Variants in INTS10 observed in about 807,000 individuals in gnomAD.
INTS10 encodes the protein chromosome 8 open reading frame 35.
A neutral mutation model predicts 94.4 loss-of-function variants in INTS10; 44 were observed. The observed-to-expected ratio is 0.47, with a 90% CI of 0.37 to 0.60. The LOEUF (loss-of-function observed/expected upper bound fraction) is 0.60, where lower values mean the gene tolerates loss of function less well. Ranked by LOEUF, INTS10 falls within the 20% of genes least tolerant of loss-of-function variation. INTS10 has a pLI of 0.00. For synonymous variants in INTS10, 341 were observed against 320.7 expected (o/e 1.06, Z -0.68); for missense variants, 797 against 868.7 (o/e 0.92, Z 1.04).
At chr8:19,821,817 C>T (rs1341554321) in intron 4 of INTS10, 1 of 152,260 alleles carries the variant, frequency 6.6e-6, no homozygotes, top group Non-Finnish European at 1.5e-5. Flanking sequence ...CTTTCACCTT[C>T]TGTGTGATGT....
At chr8:19,823,698 G>A (rs1412640419) in intron 6 of INTS10, among the ~76,000 whole-genome samples, 175 bp from the exon 7 acceptor site, 1 of 152,104 alleles carries the variant, frequency 6.6e-6, no homozygotes, top group African/African-American at 2.4e-5. Context: ...ATGAAGTAGT[G>A]GAAATTACTT....
intron 13 of INTS10, chr8:19,837,377 A>G (rs1011854311): frequency 2.0e-6 from 1 of 512,712 alleles, no homozygotes; most frequent in African/African-American, 1.9e-5. Flanking sequence ...AGGCTGAACA[A>G]TGTTTTACAG....
intron 9 of INTS10, among the ~76,000 whole-genome samples, chr8:19,827,634 A>T (rs997681367): frequency 6.6e-6 from 1 of 152,064 alleles, no homozygotes; most frequent in East Asian, 1.9e-4. Flanking sequence ...AGGCTATGGG[A>T]TGGCTGTTTA....
rs71205949 is a variant in INTS10 at position 19,846,433 on chromosome 8, CAAAA to C, written c.1976+644_1976+647del. 6.8e-6 allele frequency among the ~76,000 whole-genome samples: 1 copy of C among 147,682 alleles called. No homozygotes were observed. Among genetic ancestry groups the C allele is most frequent in the East Asian group, 2.0e-4 (1 of 5,082 alleles). On this transcript the variant is annotated intron_variant, in intron 16 of 16. Transcript: ENST00000397977. The surrounding 1 kb of genome is among the most constrained non-coding windows in gnomAD (Gnocchi z 4.2). ...GGGCAACAAGAGTGAAACTCCATCTCAAAAAAAAAAACAAACAAACAAAACAGCT... is the reference window on the plus strand; with the variant it reads ...GGGCAACAAGAGTGAAACTCCATCTCAAAAAAACAAACAAACAAAACAGCT...
Position 19,844,153 on chromosome 8 carries a change from G to A in INTS10, c.1797G>A (p.Arg599=), listed in dbSNP as rs978626794. The change falls in exon 15 of 17, where the codon CGG becomes CGA. Residue 599 remains arginine (R), a synonymous_variant. Coordinates refer to ENST00000397977, the MANE Select transcript of INTS10 (RefSeq NM_018142.4). The stretch of plus-strand genomic sequence containing the variant: ...TGTTGCTTCAGCAAGAGTGGCCACG[G>A]GGCGAGAATCTTTTCCTGAAAGCTG... ...VIVLLQQEWP[R]GENLFLKAVN... 4 of 1,613,780 alleles carry A rather than the reference G, an allele frequency of 2.5e-6. No homozygotes were observed. The highest frequency in any genetic ancestry group is 1.3e-5 in the African/African-American group (1 of 74,920).
In INTS10 at chr8:19,851,593, C is replaced by A. The variant is rs758830939; in HGVS notation, c.1977-56C>A. On this transcript the variant is annotated intron_variant, in intron 16 of 16. Transcript: ENST00000397977. This position sits in a 1 kb window ranked among gnomAD's most constrained non-coding sequence, Gnocchi z 5.0. ...TTATTCCTACCCAAGTAGCAGCGATCAGCGATGCTGGTGCTAACCCCTGGT... is the reference window on the plus strand; with the variant it reads ...TTATTCCTACCCAAGTAGCAGCGATAAGCGATGCTGGTGCTAACCCCTGGT... 2.6e-6 allele frequency: 4 copies of A among 1,536,308 alleles called. No homozygotes were observed. Among genetic ancestry groups the A allele is most frequent in the Non-Finnish European group, 3.6e-6 (4 of 1,111,812 alleles).
At chr8:19,822,084 C>T (rs2066423820) in intron 4 of INTS10, 1 of 171,882 alleles carries the variant, frequency 5.8e-6, no homozygotes, top group Non-Finnish European at 1.2e-5. Flanking sequence ...ACCTTAGTTT[C>T]TTTATTTCTT....
chr8:19,832,225 C>G, intron 11 of INTS10, 115 bp downstream of exon 11: 1 of 675,056 alleles, frequency 1.5e-6, no homozygotes, highest in South Asian at 1.6e-5. Context: ...CCACTGCCTC[C>G]TGACACCTGT....
At position 19,837,075 on chromosome 8, in the gene INTS10, T is replaced by C. The variant is rs745661308; in HGVS notation, c.1554T>C (p.Asp518=). 4.3e-6 allele frequency: 7 copies of C among 1,613,394 alleles called. No homozygotes were observed. The highest frequency in any genetic ancestry group is 5.1e-6 in the Non-Finnish European group (6 of 1,179,280). The part of the protein sequence containing the change: ...EYRMTCEKVL[D]LMCYMVLPIQ... ...AGATGACATGTGAAAAAGTCCTTGATTTGATGTGCTACATGGTACTCCCCA... is the reference window on the plus strand; with the variant it reads ...AGATGACATGTGAAAAAGTCCTTGACTTGATGTGCTACATGGTACTCCCCA... The change falls in exon 13 of 17, where the codon GAT becomes GAC. Residue 518 remains aspartate, a synonymous_variant. Transcript: ENST00000397977.
Position 19,837,055 on chromosome 8 carries a change from A to G in INTS10, c.1534A>G (p.Thr512Ala), listed in dbSNP as rs2067719471. The change falls in exon 13 of 17, where the codon ACA becomes GCA. Residue 512 changes from threonine (T) to alanine (A), a missense_variant. Coordinates refer to ENST00000397977, the MANE Select transcript of INTS10 (RefSeq NM_018142.4). Reference sequence around the variant, plus strand: ...TTTTTGGTCTTTTCTGCTTTAGATGACATGTGAAAAAGTCCTTGATTTGAT... The same window carrying G: ...TTTTTGGTCTTTTCTGCTTTAGATGGCATGTGAAAAAGTCCTTGATTTGAT... ...CHFALGEYRM[T>A]CEKVLDLMCY... is the part of the protein sequence containing the mutation. 6.2e-7 allele frequency: 1 copy of G among 1,604,414 alleles called. No homozygotes were observed. The highest frequency in any genetic ancestry group is 1.3e-5 in the African/African-American group (1 of 74,826).
In INTS10 at chr8:19,849,144, G is replaced by A; in HGVS notation, c.1977-2505G>A. The A allele has an allele frequency of 1.6e-6, 2 of 1,268,788 alleles. No homozygotes were observed. Among genetic ancestry groups the A allele is most frequent in the Non-Finnish European group, 2.1e-6 (2 of 969,814 alleles). 78.6% of individuals were successfully genotyped at this position (1,268,788 alleles called of 1,614,324 possible). ...TCGGTGTGGGTGTTTGAATGCTGCTGTTTGCTGTTTTTTAAAGGCCTTCTA... is the reference window on the plus strand; with the variant it reads ...TCGGTGTGGGTGTTTGAATGCTGCTATTTGCTGTTTTTTAAAGGCCTTCTA... On this transcript the variant is annotated intron_variant, in intron 16 of 16. Coordinates refer to ENST00000397977, the MANE Select transcript of INTS10 (RefSeq NM_018142.4). The surrounding 1 kb of genome is among the most constrained non-coding windows in gnomAD (Gnocchi z 4.6).
Position 19,823,341 on chromosome 8 carries a change from T to C in INTS10, c.564T>C (p.Val188=), listed in dbSNP as rs1225398981. 2 of 1,606,902 alleles carry C rather than the reference T, an allele frequency of 1.2e-6. No individual in the cohort carries two copies. Among genetic ancestry groups the C allele is most frequent in the Non-Finnish European group, 1.7e-6 (2 of 1,173,606 alleles). The change falls in exon 6 of 17, where the codon GTT becomes GTC. Residue 188 remains valine (V), a synonymous_variant. Transcript: ENST00000397977. ...VLPLIINNHD[V]RLPANLLYKY... Reference sequence around the variant, plus strand: ...CTCTAATAATTAACAACCATGATGTTCGATTACCTGCCAATTTATTGTATA... The same window carrying C: ...CTCTAATAATTAACAACCATGATGTCCGATTACCTGCCAATTTATTGTATA...
At chr8:19,836,651 G>A (rs983842915) in intron 12 of INTS10, among the ~76,000 whole-genome samples, 1 of 152,096 alleles carries the variant, frequency 6.6e-6, no homozygotes, top group African/African-American at 2.4e-5. Flanking sequence ...TTTAAGTTAT[G>A]CTCTATATCA....
Position 19,832,067 on chromosome 8 carries a change from G to T in INTS10, c.1334G>T (p.Trp445Leu). Residue 445 changes from tryptophan to leucine, a missense_variant, in exon 11 of 17, where the codon TGG becomes TTG. By Grantham distance (61) the Trp-to-Leu change is moderately conservative. Around this residue, in one of 3 missense-constraint regions of INTS10, gnomAD observed 734 missense variants for 787.8 expected, o/e 0.93. Coordinates refer to ENST00000397977, the MANE Select transcript of INTS10 (RefSeq NM_018142.4). Reference protein sequence around the residue: ...RICLAWKTDTWLWLRIFLTDM... With the variant: ...RICLAWKTDTLLWLRIFLTDM... ...TGCTTGGCCTGGAAGACGGATACTT[G>T]GCTTTGGTTAAGAATCTTCCTCACT... 4 of 1,607,870 alleles carry T rather than the reference G, an allele frequency of 2.5e-6. No homozygotes were observed. In the South Asian group the frequency reaches 4.4e-5, roughly 18 times the overall value.
At chr8:19,837,239 A>C in intron 13 of INTS10, 79 bp downstream of exon 13, 106 of 897,418 alleles carry the variant, frequency 1.2e-4, no homozygotes, top group Non-Finnish European at 1.7e-4. Flanking sequence ...TTGTAATCTC[A>C]GCTACTCGGA....
At chr8:19,826,860 T>C (rs1488218141) in intron 9 of INTS10, among the ~76,000 whole-genome samples, 1 of 152,150 alleles carries the variant, frequency 6.6e-6, no homozygotes, top group Non-Finnish European at 1.5e-5. Context: ...GGAGAACCCA[T>C]GGTATATGTT....
In INTS10 at chr8:19,817,542, C is replaced by G; in HGVS notation, c.5C>G (p.Ser2Cys). The stretch of plus-strand genomic sequence containing the variant: ...CGGCTGGAGAGCGCTCGGGTCATGT[C>G]TGCCCAGGGGGACTGCGAGTTCCTG... M[S>C]AQGDCEFLVQ... The change falls in exon 1 of 17, where the codon TCT (serine) becomes TGT (cysteine). Residue 2 changes from serine to cysteine, a missense_variant. Physicochemically the swap from Ser to Cys is moderately radical, Grantham distance 112 (BLOSUM62 -1). Around this residue, in one of 3 missense-constraint regions of INTS10, gnomAD observed 734 missense variants for 787.8 expected, o/e 0.93. Coordinates refer to ENST00000397977, the MANE Select transcript of INTS10 (RefSeq NM_018142.4). 6.2e-7 allele frequency: 1 copy of G among 1,607,476 alleles called. No homozygotes were observed. Among genetic ancestry groups the G allele is most frequent in the Non-Finnish European group, 8.5e-7 (1 of 1,178,112 alleles).
intron 9 of INTS10, among the ~76,000 whole-genome samples, 170 bp downstream of exon 9, chr8:19,826,729 CAG>C (rs1039301524): frequency 3.3e-5 from 5 of 152,130 alleles, no homozygotes; most frequent in African/African-American, 1.2e-4. Context: ...GATTTGCCCT[CAG>C]GGGACATTTG....
chr8:19,827,787 T>G (rs1433671585), intron 9 of INTS10, among the ~76,000 whole-genome samples: 1 of 152,236 alleles, frequency 6.6e-6, no homozygotes, highest in Non-Finnish European at 1.5e-5. Flanking sequence ...GATTTTGTCC[T>G]GATTATCATT....
Sources: allele counts gnomAD v4.1 joint callset (sites outside exome capture counted in the v4.1 genomes callset), GRCh38; gene constraint gnomAD v4.1.1; regional missense constraint gnomAD v4.1.1; non-coding constraint Gnocchi (gnomAD v3.1); transcripts MANE v1.5; gene names NCBI Gene and HGNC (gene_info 2026-07-23, HGNC 2026-07-21).